Variants in RIPK4 observed in about 807,000 individuals in gnomAD.
RIPK4 encodes receptor-interacting serine/threonine-protein kinase 4.
A neutral mutation model predicts 42.9 loss-of-function variants in RIPK4; 17 were observed. The observed-to-expected ratio is 0.40, with a 90% confidence interval of 0.27 to 0.59. The LOEUF is 0.59. Among genes scored for constraint, RIPK4 ranks in the 20% least tolerant of loss-of-function variants. The pLI is 0.47. For synonymous variants in RIPK4, 498 were observed against 499.1 expected (o/e 1.00, Z 0.03); for missense variants, 897 against 1,104.4 (o/e 0.81, Z 2.66).
At chr21:41,762,256 C>T (rs2061222836) in intron 1 of RIPK4, among the ~76,000 whole-genome samples, 2 of 152,156 alleles carry the variant, frequency 1.3e-5, no homozygotes, top group African/African-American at 2.4e-5. Flanking sequence ...TTGGGGTAGA[C>T]AGGATTCCAG....
chr21:41,742,070 C>A lies in RIPK4; in HGVS notation c.1196-73G>T. The A allele has an allele frequency of 1.5e-6, 2 of 1,366,128 alleles. No individual in the cohort carries two copies. The highest frequency in any genetic ancestry group is 1.4e-5 in the South Asian group (1 of 71,886). 84.6% of individuals were successfully genotyped at this position (1,366,128 alleles called of 1,614,324 possible). Reference sequence around the variant, plus strand: ...GGACGTGGCGTCTCTGGGAGCCTGGCTGTGGCGCTCAGGTGGAGGAGTGCC... The same window carrying A: ...GGACGTGGCGTCTCTGGGAGCCTGGATGTGGCGCTCAGGTGGAGGAGTGCC... On this transcript the variant is annotated intron_variant, in intron 7 of 7. Transcript: ENST00000332512. The surrounding 1 kb of genome is among the most constrained non-coding windows in gnomAD (Gnocchi z 5.1).
chr21:41,756,959 C>T (rs1432376776), intron 1 of RIPK4, 143 bp from the exon 2 acceptor site: 2 of 817,100 alleles, frequency 2.4e-6, no homozygotes, highest in South Asian at 1.8e-5. Context: ...TTCAATGTCA[C>T]ATCACGAATG....
chr21:41,752,733 G>C (rs2061192198), intron 2 of RIPK4, among the ~76,000 whole-genome samples: 1 of 152,228 alleles, frequency 6.6e-6, no homozygotes, highest in Non-Finnish European at 1.5e-5. Context: ...ACAGTCATCA[G>C]TGGCTTGAAA....
chr21:41,764,518 C>A (rs1416713828), intron 1 of RIPK4, among the ~76,000 whole-genome samples: 1 of 152,042 alleles, frequency 6.6e-6, no homozygotes, highest in African/African-American at 2.4e-5. Flanking sequence ...GGGGGCTGCA[C>A]ACAAAGACCC....
intron 1 of RIPK4, among the ~76,000 whole-genome samples, chr21:41,760,485 C>T (rs1009838380): frequency 2.0e-5 from 3 of 152,164 alleles, no homozygotes; most frequent in African/African-American, 7.2e-5. Context: ...GGAAAGGGCC[C>T]CTGAGAGAAT....
chr21:41,745,412 C>A (rs1242445199), intron 6 of RIPK4, among the ~76,000 whole-genome samples: 1 of 152,210 alleles, frequency 6.6e-6, no homozygotes, highest in Non-Finnish European at 1.5e-5. Context: ...AACTGGATCC[C>A]CGAGCCAGGG....
chr21:41,766,158 T>A (rs560869618), intron 1 of RIPK4, among the ~76,000 whole-genome samples: 1 of 152,032 alleles, frequency 6.6e-6, no homozygotes, highest in South Asian at 2.1e-4. Flanking sequence ...AAAACGAGAG[T>A]GTGCGGCGAG....
chr21:41,755,715 T>C lies in RIPK4; in HGVS notation c.474+810A>G, dbSNP rs534553814. Among the ~76,000 whole-genome samples, 205 of 152,198 alleles carry C rather than the reference T, an allele frequency of 1.3e-3. No individual in the cohort carries two copies. The highest frequency in any genetic ancestry group is 2.4e-3 in the Non-Finnish European group (162 of 68,004). ...GTGGACCAGCCTATCACCCTGGGCC[T>C]CCCAAGAGCATGTGAACATCACCAC... On this transcript the variant is annotated intron_variant, in intron 2 of 7. Transcript: ENST00000332512. The surrounding 1 kb of genome is among the most constrained non-coding windows in gnomAD (Gnocchi z 4.2).
chr21:41,750,261 A>G (rs966640309), intron 3 of RIPK4, among the ~76,000 whole-genome samples: 5 of 152,370 alleles, frequency 3.3e-5, no homozygotes, highest in Admixed American at 1.3e-4. Context: ...AACAGCCACA[A>G]TGGGAGGCTT....
chr21:41,746,654 C>A lies in RIPK4; in HGVS notation c.791G>T (p.Arg264Leu). 1 of 1,611,108 alleles carries A rather than the reference C, an allele frequency of 6.2e-7. No individual in the cohort carries two copies. The highest frequency in any genetic ancestry group is 1.7e-5 in the Admixed American group (1 of 60,000). ...ACSHLIRLMQ[R>L]CWQGDPRVRP... is the part of the protein sequence containing the mutation. ...AACTCGCGGATCCCCCTGCCAGCAC[C>A]GCTGCATGAGGCGTATCAGGTGGCT... is the stretch of plus-strand genomic sequence containing the variant. Residue 264 changes from arginine to leucine, a missense_variant, in exon 5 of 8, where the codon CGG becomes CTG. Transcript: ENST00000332512.
chr21:41,750,984 C>T, intron 3 of RIPK4, 113 bp downstream of exon 3: 1 of 1,390,376 alleles, frequency 7.2e-7, no homozygotes, highest in Non-Finnish European at 9.8e-7. Context: ...GGCCCGAGCC[C>T]CATTTCTGAC....
Position 41,741,271 on chromosome 21 carries a change from A to G in RIPK4, c.1922T>C (p.Leu641Pro). 6.2e-7 allele frequency: 1 copy of G among 1,608,566 alleles called. No homozygotes were observed. Residue 641 changes from leucine (L) to proline (P), a missense_variant, in exon 8 of 8, where the codon CTG (leucine) becomes CCG (proline). Transcript: ENST00000332512. Reference sequence around the variant, plus strand: ...GTGCCCCGTCTCCGCGGCCACGTGCAGGGGTGTCTGTGCCAGCAGGCTGCA... The same window carrying G: ...GTGCCCCGTCTCCGCGGCCACGTGCGGGGGTGTCTGTGCCAGCAGGCTGCA... The part of the protein sequence containing the change: ...NVCSLLAQTP[L>P]HVAAETGHTS...
intron 6 of RIPK4, 42 bp downstream of exon 6, chr21:41,745,717 A>G: frequency 6.8e-7 from 1 of 1,480,654 alleles, no homozygotes; most frequent in Non-Finnish European, 9.4e-7. Context: ...TCCTGCCTGG[A>G]AGCCGAGGAG....
chr21:41,744,174 C>A (rs756660198), intron 6 of RIPK4, 34 bp from the exon 7 acceptor site: 9 of 1,534,396 alleles, frequency 5.9e-6, no homozygotes, highest in Admixed American at 2.0e-5. Context: ...TGGGTGAAGA[C>A]CCTGCCATAG....
chr21:41,747,688 C>A (rs1761333882), intron 4 of RIPK4, among the ~76,000 whole-genome samples: 1 of 152,170 alleles, frequency 6.6e-6, no homozygotes, highest in Non-Finnish European at 1.5e-5. Flanking sequence ...GTTTAGCAGG[C>A]TATTTCCATG....
chr21:41,757,172 T>C (rs935904546), intron 1 of RIPK4, among the ~76,000 whole-genome samples: 1 of 152,150 alleles, frequency 6.6e-6, no homozygotes, highest in Admixed American at 6.5e-5. Flanking sequence ...TGCAGGCCGA[T>C]AATCCCTTCT....
chr21:41,755,801 A>T lies in RIPK4; in HGVS notation c.474+724T>A, dbSNP rs2061201663. Among the ~76,000 whole-genome samples the T allele has an allele frequency of 6.6e-6, 1 of 152,224 alleles. No individual in the cohort carries two copies. The highest frequency in any genetic ancestry group is 2.4e-5 in the African/African-American group (1 of 41,452). On this transcript the variant is annotated intron_variant, in intron 2 of 7. Coordinates refer to ENST00000332512, the MANE Select transcript of RIPK4 (RefSeq NM_020639.3). The surrounding 1 kb of genome is among the most constrained non-coding windows in gnomAD (Gnocchi z 4.2). ...CACATGTCAACGACAGTACAACCCT[A>T]GCCACGAAGGCCATCAAAGGAGATA...
intron 1 of RIPK4, among the ~76,000 whole-genome samples, chr21:41,762,494 C>T (rs941735083): frequency 6.6e-6 from 1 of 152,200 alleles, no homozygotes; most frequent in South Asian, 2.1e-4. Flanking sequence ...GAAACTCCAG[C>T]GGCTTTAGGA....
Position 41,740,772 on chromosome 21 carries a change from T to C in RIPK4, c.*66A>G. The C allele has an allele frequency of 1.4e-6, 2 of 1,471,200 alleles. No homozygotes were observed. Among genetic ancestry groups the C allele is most frequent in the South Asian group, 2.7e-5 (2 of 75,430 alleles). 91.1% of individuals were successfully genotyped at this position (1,471,200 alleles called of 1,614,324 possible). A position where few individuals can be genotyped will look rare whatever the true frequency, so the allele number is the denominator to read the frequency against. On this transcript the variant is annotated 3_prime_UTR_variant, in exon 8 of 8. Coordinates refer to ENST00000332512, the MANE Select transcript of RIPK4 (RefSeq NM_020639.3). ...CAGGGCCCCACGCAGGATCGTTCCA[T>C]CCCCACGAGGAACACAGGACAGGAC...
Sources: gnomAD v4.1 joint callset for allele counts (sites outside exome capture counted in the v4.1 genomes callset) on GRCh38, gnomAD v4.1.1 for gene constraint, Gnocchi (gnomAD v3.1) non-coding constraint, MANE v1.5 for transcripts, NCBI Gene and HGNC (gene_info 2026-07-23, HGNC 2026-07-21) for gene names.